The following SENP6 variants were observed in gnomAD, a reference collection of about 807,000 sequenced individuals.
The protein encoded by SENP6 is sentrin-specific protease 6.
Under a neutral mutation model 134.5 loss-of-function variants are expected in SENP6, and 41 were observed. That is an observed-to-expected ratio of 0.30 (90% CI 0.24 to 0.40). The LOEUF is 0.40. SENP6 is among the 10% of genes least tolerant of loss of function. The probability of loss-of-function intolerance (pLI) is 1.00; values close to 1 mark genes in which losing one functional copy is unlikely to be tolerated. For synonymous variants in SENP6, 395 were observed against 429.8 expected (o/e 0.92, Z 1.00); for missense variants, 1,248 against 1,312.5 (o/e 0.95, Z 0.76).
At chr6:75,620,191 T>C (rs772561511) in intron 1 of SENP6, among the ~76,000 whole-genome samples, 51 of 152,096 alleles carry the variant, frequency 3.4e-4, no homozygotes, top group Admixed American at 7.9e-4. Context: ...ATGCTGAGCA[T>C]CTTTTCATGG....
rs377559844 is a variant in SENP6 at position 75,633,634 on chromosome 6, G to C, written c.261G>C (p.Lys87Asn). 6.2e-6 allele frequency: 10 copies of C among 1,610,728 alleles called. No homozygotes were observed. The African/African-American group carries it at 1.3e-4, about 22-fold the overall frequency. Residue 87 changes from lysine to asparagine, a missense_variant, in exon 4 of 24, where the codon AAG (lysine) becomes AAC (asparagine). Around this residue, in one of 3 missense-constraint regions of SENP6, gnomAD observed 733 missense variants for 725.4 expected, o/e 1.01. Coordinates refer to ENST00000447266, the MANE Select transcript of SENP6 (RefSeq NM_015571.4). ...VANSSGEFILKTYVRRNKSES... is the reference protein window; with the variant it reads ...VANSSGEFILNTYVRRNKSES... The stretch of plus-strand genomic sequence containing the variant: ...ATAGCTCTGGTGAATTCATCTTGAA[G>C]ACATATGTAAGACGAAACAAGTCTG...
chr6:75,657,410 A>G (rs1018622131), intron 7 of SENP6, among the ~76,000 whole-genome samples: 4 of 152,056 alleles, frequency 2.6e-5, no homozygotes, highest in African/African-American at 9.7e-5. Flanking sequence ...ATCTCGGGAG[A>G]AAAAAAGCAC....
intron 1 of SENP6, among the ~76,000 whole-genome samples, chr6:75,615,477 G>A (rs1487669439): frequency 6.6e-6 from 1 of 152,156 alleles, no homozygotes; most frequent in Non-Finnish European, 1.5e-5. Flanking sequence ...ACTGTGCCCT[G>A]CCTGCTAAGA....
At position 75,663,430 on chromosome 6, in the gene SENP6, T is replaced by C; in HGVS notation, c.906T>C (p.Asn302=). 2 of 1,613,362 alleles carry C rather than the reference T, an allele frequency of 1.2e-6. No homozygotes were observed. Among genetic ancestry groups the C allele is most frequent in the Non-Finnish European group, 1.7e-6 (2 of 1,179,748 alleles). ...DDSKHTYLQT[N]GKVILPGAKI... ...GTAAACACACTTATTTACAGACTAA[T>C]GGAAAAGTCATTTTACCTGGGGCAA... Residue 302 remains asparagine (N), a synonymous_variant, in exon 9 of 24, where the codon AAT becomes AAC. Coordinates refer to ENST00000447266, the MANE Select transcript of SENP6 (RefSeq NM_015571.4).
intron 3 of SENP6, among the ~76,000 whole-genome samples, chr6:75,628,173 G>A (rs1359681747): frequency 6.6e-6 from 1 of 151,928 alleles, no homozygotes; most frequent in Non-Finnish European, 1.5e-5. Flanking sequence ...TTTATATTGT[G>A]CCTTTTCCGT....
chr6:75,634,468 G>A (rs532535579), intron 4 of SENP6, among the ~76,000 whole-genome samples: 5 of 152,082 alleles, frequency 3.3e-5, no homozygotes, highest in South Asian at 2.1e-4. Context: ...GGCTGGTCTC[G>A]ATCTCCTGAC....
At chr6:75,679,942 T>C (rs926307724) in intron 16 of SENP6, 1 of 152,210 alleles carries the variant, frequency 6.6e-6, no homozygotes, top group African/African-American at 2.4e-5. Flanking sequence ...CACATTGTTA[T>C]AAAGAGCAAA....
At position 75,666,767 on chromosome 6, in the gene SENP6, C is replaced by T. The variant is rs772699241; in HGVS notation, c.1050C>T (p.Ser350=). 1.9e-6 allele frequency: 3 copies of T among 1,610,372 alleles called. No homozygotes were observed. Among genetic ancestry groups the T allele is most frequent in the Admixed American group, 1.7e-5 (1 of 59,958 alleles). Residue 350 remains serine, a synonymous_variant, in exon 10 of 24, where the codon AGC becomes AGT. Coordinates refer to ENST00000447266, the MANE Select transcript of SENP6 (RefSeq NM_015571.4). The stretch of plus-strand genomic sequence containing the variant: ...ACGACAGAACTAACAGAAGAGAAAG[C>T]ATATCTCCTCAGCCTGCTGATTCAG... ...DDNDRTNRRE[S]ISPQPADSAC... is the part of the protein sequence containing the mutation.
In SENP6 at chr6:75,661,144, T is replaced by G. The variant is rs970212909; in HGVS notation, c.696+1737T>G. 5.3e-5 allele frequency among the ~76,000 whole-genome samples: 8 copies of G among 152,334 alleles called. 1 individual carries two copies. The highest frequency in any genetic ancestry group is 1.9e-4 in the African/African-American group (8 of 41,578). ...TATTAATATTTAATCTATATTAGAA[T>G]CCATAAGTTCACACTGATAACTCTA... On this transcript the variant is annotated intron_variant, in intron 8 of 23. Transcript: ENST00000447266.
chr6:75,662,432 G>A (rs1489342343), intron 8 of SENP6, among the ~76,000 whole-genome samples: 1 of 151,838 alleles, frequency 6.6e-6, no homozygotes, highest in East Asian at 1.9e-4. Flanking sequence ...ACCATGTCCA[G>A]GTTTAGTCAG....
intron 14 of SENP6, chr6:75,677,821 C>G (rs1290586589): frequency 6.6e-6 from 1 of 152,154 alleles, no homozygotes; most frequent in African/African-American, 2.4e-5. Context: ...GTAAATAATA[C>G]AAACATAATT....
At chr6:75,663,606 A>T in intron 9 of SENP6, 88 bp downstream of exon 9, 1 of 926,584 alleles carries the variant, frequency 1.1e-6, no homozygotes. Flanking sequence ...AACCCCATAT[A>T]TATTTTTAAT....
At chr6:75,615,560 A>G (rs563652396) in intron 1 of SENP6, among the ~76,000 whole-genome samples, 38 of 152,350 alleles carry the variant, frequency 2.5e-4, no homozygotes, top group Non-Finnish European at 4.0e-4. Flanking sequence ...GCTTTTTAGA[A>G]TAAACCCTGC....
intron 1 of SENP6, among the ~76,000 whole-genome samples, chr6:75,620,390 G>T (rs1011044370): frequency 6.6e-6 from 1 of 152,150 alleles, no homozygotes; most frequent in Non-Finnish European, 1.5e-5. Flanking sequence ...AAGCTGGGAA[G>T]TTAGATCAAG....
chr6:75,698,194 A>G (rs1212255007), intron 18 of SENP6, among the ~76,000 whole-genome samples: 2 of 152,206 alleles, frequency 1.3e-5, no homozygotes, highest in African/African-American at 4.8e-5. Flanking sequence ...GCCTCTCAAT[A>G]AAAGGATGTT....
intron 7 of SENP6, among the ~76,000 whole-genome samples, chr6:75,658,974 C>CAAAA (rs35016433): frequency 1.1e-4 from 8 of 71,976 alleles, no homozygotes; most frequent in East Asian, 5.2e-4. Flanking sequence ...CTTGTCTCCC[C>CAAAA]AAAAAAAAAA....
At chr6:75,686,141 A>G (rs1233108737) in intron 16 of SENP6, among the ~76,000 whole-genome samples, 10 of 152,162 alleles carry the variant, frequency 6.6e-5, no homozygotes, top group Non-Finnish European at 1.3e-4. Context: ...TCCCTTTACC[A>G]TTATGTAATG....
Position 75,666,941 on chromosome 6 carries a change from G to T in SENP6, c.1224G>T (p.Gln408His). ...CAAGAAAAGCAAGAATGAAAGACCA[G>T]GTACTTTTCACTTTTGTTGACATTT... is the stretch of plus-strand genomic sequence containing the variant. Reference protein sequence around the residue: ...TLPRKARMKDQFGNSIINTPL... With the variant: ...TLPRKARMKDHFGNSIINTPL... Residue 408 changes from glutamine (Q) to histidine (H), a missense_variant and splice_region_variant, in exon 10 of 24, where the codon CAG becomes CAT. Around this residue, in one of 3 missense-constraint regions of SENP6, gnomAD observed 733 missense variants for 725.4 expected, o/e 1.01. Transcript: ENST00000447266. The T allele has an allele frequency of 6.3e-7, 1 of 1,584,526 alleles. No homozygotes were observed. Among genetic ancestry groups the T allele is most frequent in the South Asian group, 1.1e-5 (1 of 88,446 alleles).
chr6:75,689,041 G>A (rs1353519329), intron 16 of SENP6, among the ~76,000 whole-genome samples: 1 of 152,122 alleles, frequency 6.6e-6, no homozygotes, highest in Non-Finnish European at 1.5e-5. Flanking sequence ...ACTCCAGCCT[G>A]GGCAACAAGA....
Sources: allele counts gnomAD v4.1 joint callset (sites outside exome capture counted in the v4.1 genomes callset), GRCh38; gene constraint gnomAD v4.1.1; regional missense constraint gnomAD v4.1.1; transcripts MANE v1.5; gene names NCBI Gene and HGNC (gene_info 2026-07-23, HGNC 2026-07-21).